Variants in AACS observed in about 807,000 individuals in gnomAD.
AACS encodes acetoacetate-CoA ligase.
A neutral mutation model predicts 83.1 loss-of-function variants in AACS; 69 were observed. The observed-to-expected ratio is 0.83, with a 90% CI of 0.68 to 1.01. The LOEUF (loss-of-function observed/expected upper bound fraction) is 1.01. Ranked by LOEUF, AACS falls within the 50% of genes least tolerant of loss-of-function variation. AACS has a pLI of 0.00. For synonymous variants in AACS, 333 were observed against 343.4 expected, an observed-to-expected ratio of 0.97 and a Z score of 0.33; for missense variants, 866 against 882.2, an observed-to-expected ratio of 0.98 and a Z score of 0.23.
chr12:125,081,154 G>C (rs1261074956), intron 3 of AACS, among the ~76,000 whole-genome samples: 1 of 151,844 alleles, frequency 6.6e-6, no homozygotes. Context: ...CACCACACTG[G>C]CTAATTTTTG....
intron 3 of AACS, among the ~76,000 whole-genome samples, chr12:125,080,447 G>A (rs1378007331): frequency 3.3e-5 from 5 of 151,440 alleles, no homozygotes; most frequent in African/African-American, 1.2e-4. Context: ...GGGTGTCTGG[G>A]TGGAGACTGA....
chr12:125,075,549 G>A (rs1315656681), intron 2 of AACS, among the ~76,000 whole-genome samples: 1 of 144,912 alleles, frequency 6.9e-6, no homozygotes, highest in Non-Finnish European at 1.5e-5. Flanking sequence ...GCCTTGGCCT[G>A]CCAAAGTGCT....
chr12:125,103,444 T>C (rs1209202935), intron 7 of AACS, among the ~76,000 whole-genome samples: 2 of 124,464 alleles, frequency 1.6e-5, no homozygotes, highest in Non-Finnish European at 3.3e-5. Context: ...TGCACACGCA[T>C]GCACACGACA....
At chr12:125,071,171 T>C (rs1326538267) in intron 1 of AACS, among the ~76,000 whole-genome samples, 1 of 152,164 alleles carries the variant, frequency 6.6e-6, no homozygotes, top group Non-Finnish European at 1.5e-5. Flanking sequence ...ACATCTGCCA[T>C]ATGCCACCTA....
intron 3 of AACS, among the ~76,000 whole-genome samples, chr12:125,085,991 CTG>C (rs1214107803): frequency 6.6e-6 from 1 of 152,088 alleles, no homozygotes; most frequent in Non-Finnish European, 1.5e-5. Context: ...AGGTCTCACT[CTG>C]TTGTCAGGGC....
chr12:125,138,333 T>C (rs1363438900), intron 17 of AACS: 1 of 152,250 alleles, frequency 6.6e-6, no homozygotes, highest in Non-Finnish European at 1.5e-5. Flanking sequence ...CTCTTTCTTT[T>C]TCCCTTATTT....
At chr12:125,098,308 G>A (rs1048999091) in intron 5 of AACS, among the ~76,000 whole-genome samples, 1 of 151,832 alleles carries the variant, frequency 6.6e-6, no homozygotes. Context: ...CACACAGCCT[G>A]ATCCTGAGCC....
intron 6 of AACS, 87 bp downstream of exon 6, chr12:125,102,880 T>C (rs1284383539): frequency 1.4e-6 from 2 of 1,428,418 alleles, no homozygotes; most frequent in Non-Finnish European, 2.0e-6. Context: ...CTGGGTAGTC[T>C]CTGCCCCAGA....
chr12:125,129,052 A>C lies in AACS; in HGVS notation c.1424-283A>C. 2 of 278,284 alleles carry C rather than the reference A, an allele frequency of 7.2e-6. No individual in the cohort carries two copies. Among genetic ancestry groups the C allele is most frequent in the South Asian group, 1.1e-4 (2 of 18,250 alleles). The allele number at this position is 278,284 out of a possible 1,614,324, so 17.2% of individuals were successfully genotyped here. A position where few individuals can be genotyped will look rare whatever the true frequency, so the allele number is the denominator to read the frequency against. On this transcript the variant is annotated intron_variant, in intron 13 of 17. Transcript: ENST00000316519. The surrounding 1 kb of genome is among the most constrained non-coding windows in gnomAD (Gnocchi z 4.3). Reference sequence around the variant, plus strand: ...GGCATGCAGAGTGACGACATATGCTATTCAAGGATGCGTGTGGATGGAGCA... The same window carrying C: ...GGCATGCAGAGTGACGACATATGCTCTTCAAGGATGCGTGTGGATGGAGCA...
At chr12:125,122,635 T>G (rs1592997671) in intron 10 of AACS, 1 of 109,180 alleles carries the variant, frequency 9.2e-6, no homozygotes. Context: ...ACAGAGAGAC[T>G]CCATCTCAAA....
At chr12:125,087,636 T>C (rs1364549524) in intron 4 of AACS, among the ~76,000 whole-genome samples, 1 of 152,192 alleles carries the variant, frequency 6.6e-6, no homozygotes, top group Non-Finnish European at 1.5e-5. Flanking sequence ...GGAGCCTTGG[T>C]GTTTGGCACG....
At chr12:125,116,296 G>A (rs1957051342) in intron 9 of AACS, among the ~76,000 whole-genome samples, 1 of 152,038 alleles carries the variant, frequency 6.6e-6, no homozygotes, top group African/African-American at 2.4e-5. Flanking sequence ...AAAATGGGAG[G>A]GTCTTGTATT....
At position 125,114,520 on chromosome 12, in the gene AACS, A is replaced by G. The variant is rs1357580838; in HGVS notation, c.959A>G (p.Asn320Ser). ...QHLKEHLLHG[N>S]MTSSDILLCY... ...CTGAAGGAGCACCTGCTGCACGGCA[A>G]CATGACCAGCAGTGACATCCTCCTG... The change falls in exon 9 of 18, where the codon AAC becomes AGC. Residue 320 changes from asparagine to serine, a missense_variant. Transcript: ENST00000316519. 3.2e-5 allele frequency: 51 copies of G among 1,613,498 alleles called. No individual in the cohort carries two copies. The highest frequency in any genetic ancestry group is 4.2e-5 in the Non-Finnish European group (50 of 1,179,750).
chr12:125,116,768 C>T lies in AACS; in HGVS notation c.997-1873C>T, dbSNP rs534958077. 6.8e-4 allele frequency among the ~76,000 whole-genome samples: 103 copies of T among 152,070 alleles called. 1 individual carries two copies. Among genetic ancestry groups the T allele is most frequent in the Middle Eastern group, 3.4e-3 (1 of 294 alleles). ...GCATGAGCCACCGCGCCCGGCCTCC[C>T]GACCTGGGTTCTAACAGCAGCCTTG... On this transcript the variant is annotated intron_variant, in intron 9 of 17. Transcript: ENST00000316519.
chr12:125,118,845 C>T, intron 10 of AACS, 80 bp downstream of exon 10: 1 of 1,561,488 alleles, frequency 6.4e-7, no homozygotes, highest in Admixed American at 1.8e-5. Flanking sequence ...CAGAGCTGTG[C>T]CTGCCTTCTA....
At chr12:125,134,658 C>A in intron 15 of AACS, 136 bp from the exon 16 acceptor site, 2 of 870,662 alleles carry the variant, frequency 2.3e-6, no homozygotes, top group Non-Finnish European at 3.7e-6. Flanking sequence ...GGGCAAGGAG[C>A]TGGGGAGCGG....
chr12:125,104,586 G>A (rs1592976889), intron 7 of AACS, among the ~76,000 whole-genome samples: 1 of 152,308 alleles, frequency 6.6e-6, no homozygotes, highest in African/African-American at 2.4e-5. Context: ...TCTGGGGGTG[G>A]CTTTGAGGTA....
chr12:125,100,905 A>G (rs1956696585), intron 5 of AACS: 1 of 152,226 alleles, frequency 6.6e-6, no homozygotes, highest in Non-Finnish European at 1.5e-5. Context: ...TTAATTAGTT[A>G]TCCTAATGAG....
chr12:125,125,566 A>C (rs1957234128), intron 12 of AACS, among the ~76,000 whole-genome samples: 1 of 152,240 alleles, frequency 6.6e-6, no homozygotes, highest in South Asian at 2.1e-4. Flanking sequence ...CAAAAGCTCC[A>C]GAGTATGGAT....
Sources: allele counts gnomAD v4.1 joint callset (sites outside exome capture counted in the v4.1 genomes callset), GRCh38; gene constraint gnomAD v4.1.1; non-coding constraint Gnocchi (gnomAD v3.1); transcripts MANE v1.5; gene names NCBI Gene and HGNC (gene_info 2026-07-23, HGNC 2026-07-21).